The following ZNF536 variants were observed in gnomAD, a reference collection of about 807,000 sequenced individuals.
ZNF536 encodes the protein zinc finger protein 536.
Under a neutral mutation model 84.5 loss-of-function variants are expected in ZNF536, and 13 were observed. That is an observed-to-expected ratio of 0.15 (90% CI 0.10 to 0.24). ZNF536 has a LOEUF of 0.24. Among genes scored for constraint, ZNF536 ranks in the 10% least tolerant of loss-of-function variants. The pLI is 1.00. For missense variants in ZNF536, 1,536 were observed against 1,747.5 expected, an observed-to-expected ratio of 0.88 and a Z score of 2.16; for synonymous variants, 811 against 742.5, an observed-to-expected ratio of 1.09 and a Z score of -1.50.
intron 1 of ZNF536, among the ~76,000 whole-genome samples, chr19:30,598,251 G>C (rs1206357788): frequency 6.6e-6 from 1 of 152,156 alleles, no homozygotes; most frequent in African/African-American, 2.4e-5. Context: ...TCTATCATCT[G>C]TGAGAGTAGC....
intron 1 of ZNF536, among the ~76,000 whole-genome samples, chr19:30,396,983 C>T (rs1158798777): frequency 1.3e-5 from 2 of 152,208 alleles, no homozygotes; most frequent in Non-Finnish European, 2.9e-5. Context: ...TCTTCTTACA[C>T]TCCAGCTTTT....
chr19:30,350,367 G>A (rs1202245144), intron 2 of ZNF536, among the ~76,000 whole-genome samples: 3 of 152,158 alleles, frequency 2.0e-5, no homozygotes, highest in African/African-American at 7.2e-5. Flanking sequence ...GTCTGGACCA[G>A]AATCGAGTCC....
At chr19:30,361,004 C>T (rs1455186303) in intron 3 of ZNF536, among the ~76,000 whole-genome samples, 1 of 152,240 alleles carries the variant, frequency 6.6e-6, no homozygotes, top group Non-Finnish European at 1.5e-5. Flanking sequence ...CCTTCCCTTT[C>T]AGTCTCTGTT....
chr19:30,251,480 A>G (rs2145086375), intron 1 of ZNF536, among the ~76,000 whole-genome samples: 1 of 152,268 alleles, frequency 6.6e-6, no homozygotes, highest in Non-Finnish European at 1.5e-5. Context: ...GATGGTTCCC[A>G]GGGCCCTTTA....
At chr19:30,635,431 G>A (rs902170396) in intron 1 of ZNF536, among the ~76,000 whole-genome samples, 2 of 152,172 alleles carry the variant, frequency 1.3e-5, no homozygotes, top group African/African-American at 2.4e-5. Flanking sequence ...ACAGAACTGG[G>A]CACTGGTACA....
At chr19:30,691,012 C>T (rs1273393615) in intron 1 of ZNF536, among the ~76,000 whole-genome samples, 9 of 152,076 alleles carry the variant, frequency 5.9e-5, no homozygotes, top group Non-Finnish European at 1.5e-5. Flanking sequence ...GCCTGGTGGT[C>T]AGTGAGGCTG....
intron 1 of ZNF536, among the ~76,000 whole-genome samples, chr19:30,240,621 G>A (rs960332405): frequency 6.6e-6 from 1 of 152,192 alleles, no homozygotes; most frequent in African/African-American, 2.4e-5. Context: ...ACAATACCTA[G>A]CTTTCTAGGG....
At chr19:30,464,003 T>C (rs2053273099) in intron 2 of ZNF536, among the ~76,000 whole-genome samples, 1 of 152,220 alleles carries the variant, frequency 6.6e-6, no homozygotes, top group East Asian at 1.9e-4. Flanking sequence ...TAGGAGTAGC[T>C]GTTTTCTCTC....
rs150072844 is a variant in ZNF536, at chr19:30,315,829, T to C, written c.-120+31688T>C. 1.0e-2 allele frequency among the ~76,000 whole-genome samples: 1,518 copies of C among 152,310 alleles called. 8 individuals are homozygous for C. Among genetic ancestry groups the C allele is most frequent in the Non-Finnish European group, 0.016 (1,093 of 68,042 alleles). On this transcript the variant is annotated intron_variant, in intron 2 of 5. Coordinates refer to the ZNF536 transcript ENST00000585628. ...ATATTCACAAAAAGAAAATCATGCATATGTATTTTACATAAAATTGACATT... is the reference window on the plus strand; with the variant it reads ...ATATTCACAAAAAGAAAATCATGCACATGTATTTTACATAAAATTGACATT...
chr19:30,242,356 G>A (rs950616130), intron 1 of ZNF536, among the ~76,000 whole-genome samples: 3 of 152,056 alleles, frequency 2.0e-5, no homozygotes, highest in Non-Finnish European at 1.5e-5. Flanking sequence ...TCTGCTTCCC[G>A]GTCGGCTACC....
chr19:30,479,215 G>A (rs889635099), intron 2 of ZNF536, among the ~76,000 whole-genome samples: 1 of 152,082 alleles, frequency 6.6e-6, no homozygotes, highest in African/African-American at 2.4e-5. Flanking sequence ...TTTATTTAGG[G>A]ACCAGGCCAG....
In ZNF536 at chr19:30,271,375, CTTG is replaced by C. The variant is rs1449351881; in HGVS notation, c.-189-12693_-189-12691del. 1.5e-4 allele frequency among the ~76,000 whole-genome samples: 17 copies of C among 116,506 alleles called. No homozygotes were observed. In the East Asian group the frequency reaches 4.5e-3, roughly 31 times the overall value. The allele number at this position is 116,506 out of a possible 152,430, so 76.4% of individuals were successfully genotyped here. A position where few individuals can be genotyped will look rare whatever the true frequency, so the allele number is the denominator to read the frequency against. On this transcript the variant is annotated intron_variant, in intron 1 of 5. Coordinates refer to the ZNF536 transcript ENST00000585628. ...ATCATTTTGGCAGTTACTATTTCTT[CTTG>C]TTGCTATATAATCACAGGAAAACAG...
intron 1 of ZNF536, among the ~76,000 whole-genome samples, chr19:30,699,449 A>C (rs1382743497): frequency 6.6e-6 from 1 of 152,176 alleles, no homozygotes; most frequent in Middle Eastern, 3.2e-3. Context: ...TCTAAATTAA[A>C]ACCCAAATCA....
At chr19:30,290,097 G>C (rs889657863) in intron 2 of ZNF536, among the ~76,000 whole-genome samples, 4 of 152,056 alleles carry the variant, frequency 2.6e-5, no homozygotes, top group African/African-American at 9.7e-5. Context: ...GACTACTCTA[G>C]GTACTTTATA....
At chr19:30,641,310 A>T (rs1013462553) in intron 1 of ZNF536, among the ~76,000 whole-genome samples, 1 of 152,198 alleles carries the variant, frequency 6.6e-6, no homozygotes, top group Non-Finnish European at 1.5e-5. Flanking sequence ...AAACTCCCAG[A>T]CATTGCTTAC....
chr19:30,313,036 G>A (rs1026451738), intron 2 of ZNF536, among the ~76,000 whole-genome samples: 2 of 152,344 alleles, frequency 1.3e-5, no homozygotes, highest in African/African-American at 4.8e-5. Flanking sequence ...TCCAGATCCC[G>A]CTGGGGTGAG....
At position 30,338,895 on chromosome 19, in the gene ZNF536, G is replaced by A. The variant is rs184660609; in HGVS notation, c.-119-13473G>A. Among the ~76,000 whole-genome samples the A allele has an allele frequency of 2.8e-3, 429 of 152,292 alleles. 1 individual carries two copies. Among genetic ancestry groups the A allele is most frequent in the South Asian group, 5.8e-3 (28 of 4,830 alleles). Reference sequence around the variant, plus strand: ...GAGCATCAGTTTCCCTATGGATGAAGTGGGGACACAGTGCCTGCTGCAGAA... The same window carrying A: ...GAGCATCAGTTTCCCTATGGATGAAATGGGGACACAGTGCCTGCTGCAGAA... On this transcript the variant is annotated intron_variant, in intron 2 of 5. Transcript: ENST00000585628.
intron 1 of ZNF536, among the ~76,000 whole-genome samples, chr19:30,683,636 T>A (rs2051061631): frequency 6.6e-6 from 1 of 152,190 alleles, no homozygotes; most frequent in African/African-American, 2.4e-5. Flanking sequence ...AAACTGGATG[T>A]CCCTGTAAAG....
In ZNF536 at chr19:30,682,398, G is replaced by A. The variant is rs148654099; in HGVS notation, c.170-28359G>A. ...CAGAATATACATTTGTGCTGGTCGC[G>A]CGTGCACACAGCATACAGTGTAATT... On this transcript the variant is annotated intron_variant, in intron 1 of 1. Coordinates refer to the ZNF536 transcript ENST00000592773. 4.6e-5 allele frequency among the ~76,000 whole-genome samples: 7 copies of A among 152,218 alleles called. No individual in the cohort carries two copies. In the East Asian group the frequency reaches 9.7e-4, roughly 21 times the overall value.
Sources: allele counts gnomAD v4.1 joint callset (sites outside exome capture counted in the v4.1 genomes callset), GRCh38; gene constraint gnomAD v4.1.1; transcripts MANE v1.5; gene names NCBI Gene and HGNC (gene_info 2026-07-23, HGNC 2026-07-21).